The following FCHO2 variants were observed in gnomAD, a reference collection of about 807,000 sequenced individuals.
FCHO2 encodes the protein F-BAR domain only protein 2.
FCHO2 carries 43 observed loss-of-function variants against 114.1 expected under a neutral mutation model. The ratio of observed to expected loss-of-function variants is 0.38; its 90% CI spans 0.30 to 0.49. The LOEUF (loss-of-function observed/expected upper bound fraction) is 0.49, where lower values mean the gene tolerates loss of function less well. FCHO2 is among the 20% of genes least tolerant of loss of function. The pLI is 0.97. For missense variants in FCHO2, 807 were observed against 950.4 expected (o/e 0.85, Z 1.98); for synonymous variants, 293 against 315.2 (o/e 0.93, Z 0.75).
intron 11 of FCHO2, among the ~76,000 whole-genome samples, chr5:73,045,644 T>TAAAG (rs1325371832): frequency 6.6e-6 from 1 of 152,230 alleles, no homozygotes; most frequent in Non-Finnish European, 1.5e-5. Context: ...TTATCTAACA[T>TAAAG]AAAGACAGCC....
intron 1 of FCHO2, among the ~76,000 whole-genome samples, chr5:72,962,007 C>G (rs1046547946): frequency 1.3e-5 from 2 of 152,134 alleles, no homozygotes; most frequent in African/African-American, 4.8e-5. Context: ...CCAACTTGTT[C>G]CCATTGCAAC....
Position 73,068,652 on chromosome 5 carries a change from C to T in FCHO2, c.1452C>T (p.Pro484=), listed in dbSNP as rs769938982. Residue 484 remains proline (P), a splice_region_variant and synonymous_variant, in exon 19 of 26, where the codon CCC becomes CCT. Coordinates refer to ENST00000430046, the MANE Select transcript of FCHO2 (RefSeq NM_138782.3). ...SGKLSGINEI[P]RPFSPPVTSN... ...ATAAATAACTTTTTGTTTTTAAGCC[C>T]AGGCCATTCAGCCCACCTGTAACTT... The T allele has an allele frequency of 1.2e-6, 2 of 1,609,834 alleles. No homozygotes were observed. The highest frequency in any genetic ancestry group is 2.2e-5 in the South Asian group (2 of 90,616).
chr5:73,008,480 A>G (rs1754831081), intron 6 of FCHO2, among the ~76,000 whole-genome samples: 1 of 152,122 alleles, frequency 6.6e-6, no homozygotes, highest in African/African-American at 2.4e-5. Context: ...AGAGAGATGA[A>G]TGGGGAAGAT....
chr5:73,059,621 T>C (rs1205075673), intron 17 of FCHO2, among the ~76,000 whole-genome samples: 1 of 152,118 alleles, frequency 6.6e-6, no homozygotes, highest in African/African-American at 2.4e-5. Flanking sequence ...TAAAAGATAC[T>C]ATAAGTGGAT....
chr5:73,038,536 A>G (rs1277575584), intron 10 of FCHO2, among the ~76,000 whole-genome samples: 3 of 152,208 alleles, frequency 2.0e-5, no homozygotes, highest in Non-Finnish European at 4.4e-5. Flanking sequence ...AATCAAAGGA[A>G]TTCTCATGAG....
chr5:72,977,758 C>T (rs763439398), intron 2 of FCHO2, among the ~76,000 whole-genome samples: 3 of 152,106 alleles, frequency 2.0e-5, no homozygotes, highest in Admixed American at 6.6e-5. Flanking sequence ...TTAGGTCTTA[C>T]GTTGAAGTGT....
chr5:73,076,991 G>A (rs1296798873), intron 20 of FCHO2, among the ~76,000 whole-genome samples: 2 of 152,102 alleles, frequency 1.3e-5, no homozygotes, highest in Non-Finnish European at 2.9e-5. Context: ...GGGTTTGGGA[G>A]GGAAAAATAG....
At chr5:72,962,409 A>G (rs756097066) in intron 1 of FCHO2, among the ~76,000 whole-genome samples, 3 of 152,226 alleles carry the variant, frequency 2.0e-5, no homozygotes, top group African/African-American at 2.4e-5. Flanking sequence ...TGTGGCTAAT[A>G]TAAGCCCTTT....
intron 11 of FCHO2, among the ~76,000 whole-genome samples, chr5:73,043,474 A>G (rs911992872): frequency 6.6e-6 from 1 of 152,122 alleles, no homozygotes; most frequent in Non-Finnish European, 1.5e-5. Flanking sequence ...CACATATATA[A>G]AGTATATATG....
chr5:73,065,628 T>C (rs1742281705), intron 18 of FCHO2, among the ~76,000 whole-genome samples: 3 of 152,054 alleles, frequency 2.0e-5, no homozygotes, highest in African/African-American at 7.2e-5. Flanking sequence ...AAATAGTTGC[T>C]CAAAAATTAT....
intron 6 of FCHO2, among the ~76,000 whole-genome samples, chr5:73,013,261 ATT>A (rs796410586): frequency 6.9e-6 from 1 of 144,742 alleles, no homozygotes; most frequent in Non-Finnish European, 1.5e-5. Flanking sequence ...ACCATTCTGG[ATT>A]TTTTTTTTTT....
At chr5:73,024,428 CTT>C (rs531079627) in intron 8 of FCHO2, among the ~76,000 whole-genome samples, 1 of 144,568 alleles carries the variant, frequency 6.9e-6, no homozygotes, top group Non-Finnish European at 1.5e-5. Flanking sequence ...AGCAGTGAGA[CTT>C]TTTTTTTTTT....
intron 11 of FCHO2, among the ~76,000 whole-genome samples, chr5:73,042,013 T>G (rs1282396402): frequency 6.6e-6 from 1 of 152,152 alleles, no homozygotes; most frequent in African/African-American, 2.4e-5. Flanking sequence ...AACTATTGTT[T>G]CCTTTGATCC....
intron 2 of FCHO2, among the ~76,000 whole-genome samples, chr5:72,971,175 C>A (rs1752530065): frequency 6.6e-6 from 1 of 152,052 alleles, no homozygotes; most frequent in Admixed American, 6.6e-5. Flanking sequence ...ATGCATGTGT[C>A]TTTATAGCAG....
At chr5:73,017,739 T>G (rs1468568637) in intron 8 of FCHO2, among the ~76,000 whole-genome samples, 1 of 152,122 alleles carries the variant, frequency 6.6e-6, no homozygotes, top group Non-Finnish European at 1.5e-5. Context: ...TTCTTAAAAT[T>G]TAATAACTTC....
At chr5:72,986,314 C>A (rs1325981586) in intron 2 of FCHO2, among the ~76,000 whole-genome samples, 1 of 151,842 alleles carries the variant, frequency 6.6e-6, no homozygotes, top group Admixed American at 6.6e-5. Context: ...TAATGAAATT[C>A]TTCTTTTGGA....
chr5:73,057,552 G>A lies in FCHO2; in HGVS notation c.1254-881G>A, dbSNP rs770033782. On this transcript the variant is annotated intron_variant, in intron 16 of 25. Transcript: ENST00000430046. ...TTTCCTAAAATTTTTTAAAATAATG[G>A]CAGTTTGATGCATTAAAATATGTAA... is the stretch of plus-strand genomic sequence containing the variant. Among the ~76,000 whole-genome samples the A allele has an allele frequency of 1.3e-3, 201 of 152,080 alleles. 1 individual carries two copies. The highest frequency in any genetic ancestry group is 2.1e-3 in the Non-Finnish European group (146 of 67,994).
intron 6 of FCHO2, among the ~76,000 whole-genome samples, chr5:73,010,952 A>G (rs1344961090): frequency 1.3e-5 from 2 of 151,578 alleles, no homozygotes; most frequent in African/African-American, 4.9e-5. Context: ...ACTGCTACAG[A>G]CCTGGCTATA....
chr5:72,962,970 T>C (rs1260631115), intron 1 of FCHO2, among the ~76,000 whole-genome samples: 2 of 151,930 alleles, frequency 1.3e-5, no homozygotes, highest in East Asian at 1.9e-4. Context: ...TGTTGTGATG[T>C]GGGGAGAAAC....
Sources: allele counts gnomAD v4.1 joint callset (sites outside exome capture counted in the v4.1 genomes callset), GRCh38; gene constraint gnomAD v4.1.1; transcripts MANE v1.5; gene names NCBI Gene and HGNC (gene_info 2026-07-23, HGNC 2026-07-21).